CAMKMT: variants seen among roughly 807,000 people sequenced by gnomAD.
CAMKMT encodes the protein CaM KMT.
In CAMKMT, 53 loss-of-function variants were observed where a neutral mutation model predicts 48.0. The observed-to-expected ratio is 1.10, with a 90% CI of 0.89 to 1.39. CAMKMT has a LOEUF of 1.39. Ranked by LOEUF, CAMKMT falls within the 40% of genes most tolerant of loss-of-function variation. The pLI, the probability that CAMKMT is intolerant of heterozygous loss-of-function variation, is 0.00. For synonymous variants in CAMKMT, 165 were observed against 152.3 expected (o/e 1.08, Z -0.61); for missense variants, 428 against 402.7 (o/e 1.06, Z -0.54).
intron 3 of CAMKMT, among the ~76,000 whole-genome samples, chr2:44,520,227 A>T (rs1243926862): frequency 6.6e-6 from 1 of 151,962 alleles, no homozygotes; most frequent in East Asian, 1.9e-4. Context: ...TCAAAAAATA[A>T]ATACATAAAT....
rs567442225 is a variant in CAMKMT at position 44,655,767 on chromosome 2, C to A, written c.377-48516C>A. Among the ~76,000 whole-genome samples, 13 of 152,250 alleles carry A rather than the reference C, an allele frequency of 8.5e-5. 1 individual carries two copies. The South Asian group carries it at 2.7e-3, about 32-fold the overall frequency. ...GAGGCGGGGAATGAGGCCATGCTTA[C>A]CGAGCTTGTTCAACTTGATGACATT... On this transcript the variant is annotated intron_variant, in intron 3 of 10. Coordinates refer to ENST00000378494, the MANE Select transcript of CAMKMT (RefSeq NM_024766.5).
chr2:44,765,012 C>T (rs1680778354), intron 9 of CAMKMT, among the ~76,000 whole-genome samples: 1 of 152,012 alleles, frequency 6.6e-6, no homozygotes. Context: ...CACCTGAGGT[C>T]AGGAGTTTGA....
In CAMKMT at chr2:44,661,310, CT is replaced by C. The variant is rs764984677; in HGVS notation, c.377-42950del. 4.1e-3 allele frequency among the ~76,000 whole-genome samples: 364 copies of C among 89,170 alleles called. 1 individual carries two copies. The highest frequency in any genetic ancestry group is 0.014 in the African/African-American group (290 of 20,024). The allele number at this position is 89,170 out of a possible 152,430, so 58.5% of individuals were successfully genotyped here. A position where few individuals can be genotyped will look rare whatever the true frequency, so the allele number is the denominator to read the frequency against. On this transcript the variant is annotated intron_variant, in intron 3 of 10. Transcript: ENST00000378494. ...AATAACAACAATGGTTGTGAGCAGCCTTTTTTTTTTTTTTTTTTTTTTTGAG... is the reference window on the plus strand; with the variant it reads ...AATAACAACAATGGTTGTGAGCAGCCTTTTTTTTTTTTTTTTTTTTTTGAG...
At chr2:44,607,197 C>G (rs540863405) in intron 3 of CAMKMT, among the ~76,000 whole-genome samples, 3 of 152,332 alleles carry the variant, frequency 2.0e-5, no homozygotes, top group Non-Finnish European at 4.4e-5. Flanking sequence ...CCATTTACCT[C>G]TTTGATTACA....
At chr2:44,650,264 C>G (rs1673984725) in intron 3 of CAMKMT, among the ~76,000 whole-genome samples, 1 of 152,172 alleles carries the variant, frequency 6.6e-6, no homozygotes, top group Non-Finnish European at 1.5e-5. Flanking sequence ...TCACTCCAGT[C>G]TCCACCTTTG....
At chr2:44,523,275 G>C (rs1355403296) in intron 3 of CAMKMT, among the ~76,000 whole-genome samples, 1 of 151,656 alleles carries the variant, frequency 6.6e-6, no homozygotes, top group South Asian at 2.1e-4. Flanking sequence ...GGCTTCTGCT[G>C]GGGTCAAGGG....
At chr2:44,427,753 AT>A (rs1684371383) in intron 3 of CAMKMT, among the ~76,000 whole-genome samples, 1 of 152,132 alleles carries the variant, frequency 6.6e-6, no homozygotes, top group African/African-American at 2.4e-5. Flanking sequence ...AATATACCAG[AT>A]TTGTATTATA....
At chr2:44,473,078 G>C (rs1287957688) in intron 3 of CAMKMT, among the ~76,000 whole-genome samples, 1 of 152,170 alleles carries the variant, frequency 6.6e-6, no homozygotes, top group Admixed American at 6.6e-5. Flanking sequence ...TTCCGGGTTT[G>C]GGTGAGAGGG....
At chr2:44,488,843 T>TTGTGTGTGTGTGTGTGTG (rs142299931) in intron 3 of CAMKMT, among the ~76,000 whole-genome samples, 56 of 142,060 alleles carry the variant, frequency 3.9e-4, no homozygotes, top group African/African-American at 7.5e-4. Flanking sequence ...CTTAGGGTAT[T>TTGTGTGTGTGTGTGTGTG]TGTGTGTGTG....
At chr2:44,496,426 A>G (rs1363816249) in intron 3 of CAMKMT, among the ~76,000 whole-genome samples, 4 of 152,226 alleles carry the variant, frequency 2.6e-5, no homozygotes, top group Admixed American at 2.6e-4. Context: ...ATTTGTAAGT[A>G]GAGCTCTGCA....
At chr2:44,364,680 C>T (rs1033460119) in intron 1 of CAMKMT, among the ~76,000 whole-genome samples, 12 of 152,174 alleles carry the variant, frequency 7.9e-5, no homozygotes, top group African/African-American at 2.9e-4. Flanking sequence ...TAAGTAAGAA[C>T]CGCAACATCA....
intron 1 of CAMKMT, among the ~76,000 whole-genome samples, chr2:44,363,673 C>T (rs1162022512): frequency 2.6e-5 from 4 of 151,276 alleles, no homozygotes; most frequent in African/African-American, 9.7e-5. Flanking sequence ...AGCCACCGTG[C>T]CCGGCAACCC....
At chr2:44,656,564 A>T (rs992158434) in intron 3 of CAMKMT, among the ~76,000 whole-genome samples, 1 of 152,160 alleles carries the variant, frequency 6.6e-6, no homozygotes, top group Non-Finnish European at 1.5e-5. Flanking sequence ...ATAGAAATAC[A>T]AATAGCTGTT....
chr2:44,604,495 C>T (rs958317020), intron 3 of CAMKMT, among the ~76,000 whole-genome samples: 2 of 150,264 alleles, frequency 1.3e-5, no homozygotes, highest in African/African-American at 2.5e-5. Flanking sequence ...AGATTTTCAA[C>T]ATATTGGAGG....
rs753757634 is a variant in CAMKMT at position 44,378,571 on chromosome 2, G to C, written c.311+5683G>C. On this transcript the variant is annotated intron_variant, in intron 2 of 10. Coordinates refer to ENST00000378494, the MANE Select transcript of CAMKMT (RefSeq NM_024766.5). ...TGCAGTGGTGCAATCTTGGCTCACTGCAACCTCCGCCTCCCGGGTTCAAGC... is the reference window on the plus strand; with the variant it reads ...TGCAGTGGTGCAATCTTGGCTCACTCCAACCTCCGCCTCCCGGGTTCAAGC... Among the ~76,000 whole-genome samples, 3 of 152,150 alleles carry C rather than the reference G, an allele frequency of 2.0e-5. No individual in the cohort carries two copies. The East Asian group carries it at 5.8e-4, about 29-fold the overall frequency.
In CAMKMT at chr2:44,743,212, A is replaced by T. The variant is rs114101176; in HGVS notation, c.624-410A>T. ...CAATATGAAAAGCAACTGATATGCC[A>T]GGCAGTATAGATATAAGCTGTCTCA... On this transcript the variant is annotated intron_variant, in intron 7 of 10. Transcript: ENST00000378494. 4.9e-3 allele frequency among the ~76,000 whole-genome samples: 746 copies of T among 152,320 alleles called. 9 individuals are homozygous for T. Among genetic ancestry groups the T allele is most frequent in the African/African-American group, 0.017 (711 of 41,568 alleles).
chr2:44,759,084 G>GA (rs1211379257), intron 9 of CAMKMT, among the ~76,000 whole-genome samples: 1 of 152,196 alleles, frequency 6.6e-6, no homozygotes, highest in East Asian at 1.9e-4. Flanking sequence ...CTATCTCCAA[G>GA]GTGTGCTATA....
chr2:44,550,422 C>G (rs1002748482), intron 3 of CAMKMT, among the ~76,000 whole-genome samples: 2 of 151,462 alleles, frequency 1.3e-5, no homozygotes, highest in African/African-American at 4.9e-5. Context: ...AGAAAAAAGA[C>G]TGACAGTCAT....
intron 3 of CAMKMT, among the ~76,000 whole-genome samples, chr2:44,605,833 A>G (rs1451821807): frequency 1.3e-5 from 2 of 152,128 alleles, no homozygotes; most frequent in East Asian, 3.8e-4. Context: ...GAGATTCCTA[A>G]GAAATTATTA....
Sources: gnomAD v4.1 joint callset for allele counts (sites outside exome capture counted in the v4.1 genomes callset) on GRCh38, gnomAD v4.1.1 for gene constraint, MANE v1.5 for transcripts, NCBI Gene and HGNC (gene_info 2026-07-23, HGNC 2026-07-21) for gene names.